GRM7: variants seen among roughly 807,000 people sequenced by gnomAD.
GRM7 encodes glutamate metabotropic receptor 7.
A neutral mutation model predicts 84.5 loss-of-function variants in GRM7; 35 were observed. That is an observed-to-expected ratio of 0.41 (90% confidence interval 0.32 to 0.55). GRM7 has a LOEUF of 0.55. Among genes scored for constraint, GRM7 ranks in the 20% least tolerant of loss-of-function variants. The pLI, the probability that GRM7 is intolerant of heterozygous loss-of-function variation, is 0.19. For synonymous variants in GRM7, 487 were observed against 455.1 expected (o/e 1.07, Z -0.89); for missense variants, 1,003 against 1,194.6 (o/e 0.84, Z 2.36).
chr3:7,284,563 T>A (rs1216802070), intron 2 of GRM7, among the ~76,000 whole-genome samples: 1 of 152,130 alleles, frequency 6.6e-6, no homozygotes, highest in African/African-American at 2.4e-5. Flanking sequence ...GTAAGAAACC[T>A]AAGGCTAAAT....
intron 4 of GRM7, among the ~76,000 whole-genome samples, chr3:7,414,554 C>A (rs1387762707): frequency 6.6e-6 from 1 of 152,286 alleles, no homozygotes; most frequent in South Asian, 2.1e-4. Flanking sequence ...TCTGGACACT[C>A]TTTATACATT....
intron 8 of GRM7, among the ~76,000 whole-genome samples, chr3:7,594,297 G>T (rs888941173): frequency 6.6e-6 from 1 of 152,044 alleles, no homozygotes; most frequent in Non-Finnish European, 1.5e-5. Flanking sequence ...CCAAAATGTA[G>T]GTCCATGCAG....
intron 2 of GRM7, among the ~76,000 whole-genome samples, chr3:7,269,981 C>G (rs1165182727): frequency 6.6e-6 from 1 of 152,164 alleles, no homozygotes; most frequent in Non-Finnish European, 1.5e-5. Context: ...TAATATCTCT[C>G]AAACTTTAGC....
intron 4 of GRM7, among the ~76,000 whole-genome samples, chr3:7,372,031 C>A (rs948710739): frequency 1.3e-5 from 2 of 152,004 alleles, no homozygotes; most frequent in African/African-American, 4.8e-5. Context: ...GACAGCAGGG[C>A]CTGATAGGAG....
chr3:7,594,426 T>C (rs1190783512), intron 8 of GRM7, among the ~76,000 whole-genome samples: 1 of 152,148 alleles, frequency 6.6e-6, no homozygotes, highest in East Asian at 1.9e-4. Context: ...GCCCTGCCAG[T>C]CTGCTAGGTA....
intron 1 of GRM7, among the ~76,000 whole-genome samples, chr3:7,102,867 G>A (rs1289383373): frequency 3.0e-4 from 45 of 151,406 alleles, no homozygotes; most frequent in Admixed American, 3.0e-3. Context: ...TATTGGTTTT[G>A]TTTTGTTTTC....
At chr3:7,675,624 C>A (rs779975542) in intron 8 of GRM7, among the ~76,000 whole-genome samples, 2 of 152,238 alleles carry the variant, frequency 1.3e-5, no homozygotes, top group African/African-American at 2.4e-5. Context: ...GAATTCACCA[C>A]ATATTTATGC....
chr3:7,638,598 G>C (rs1003579491), intron 8 of GRM7, among the ~76,000 whole-genome samples: 1 of 152,138 alleles, frequency 6.6e-6, no homozygotes, highest in Non-Finnish European at 1.5e-5. Context: ...TCTAGTGTTT[G>C]GATTTGTCCA....
intron 7 of GRM7, among the ~76,000 whole-genome samples, chr3:7,462,740 A>G (rs1174557117): frequency 6.6e-6 from 1 of 152,174 alleles, no homozygotes; most frequent in Non-Finnish European, 1.5e-5. Context: ...GCCTTAGCCT[A>G]GATCTGCTTG....
intron 4 of GRM7, among the ~76,000 whole-genome samples, chr3:7,307,235 G>T (rs1700225081): frequency 6.6e-6 from 1 of 152,108 alleles, no homozygotes; most frequent in African/African-American, 2.4e-5. Flanking sequence ...AAGATATTTT[G>T]AGAGGCAGAA....
Position 6,861,138 on chromosome 3 carries a change from G to C in GRM7, c.-251G>C. On this transcript the variant is annotated 5_prime_UTR_variant, in exon 1 of 10. Transcript: ENST00000357716. The surrounding 1 kb of genome is among the most constrained non-coding windows in gnomAD (Gnocchi z 6.4). ...CCAGTGCTGGGCTGTTGGAGAGAGC[G>C]AGCAGCAAGCCGGTGAGCGCGAGCG... 4.8e-6 allele frequency: 2 copies of C among 415,794 alleles called. No homozygotes were observed. Among genetic ancestry groups the C allele is most frequent in the Admixed American group, 8.9e-5 (2 of 22,478 alleles). The allele number at this position is 415,794 out of a possible 1,614,324, so 25.8% of individuals were successfully genotyped here. A position where few individuals can be genotyped will look rare whatever the true frequency, so the allele number is the denominator to read the frequency against.
chr3:7,012,248 T>A (rs1695399177), intron 1 of GRM7, among the ~76,000 whole-genome samples: 2 of 152,178 alleles, frequency 1.3e-5, no homozygotes. Flanking sequence ...GCAGCATGGT[T>A]TATCTGAAGG....
intron 1 of GRM7, among the ~76,000 whole-genome samples, chr3:6,995,148 G>A (rs1694786118): frequency 6.6e-6 from 1 of 152,142 alleles, no homozygotes; most frequent in African/African-American, 2.4e-5. Context: ...ATCTTTCTCA[G>A]CCAATCTATT....
At chr3:7,109,445 C>T (rs1026310860) in intron 1 of GRM7, among the ~76,000 whole-genome samples, 3 of 152,118 alleles carry the variant, frequency 2.0e-5, no homozygotes, top group Non-Finnish European at 2.9e-5. Context: ...CCATTGTCCA[C>T]GGTATGGGTT....
At chr3:7,492,769 C>A (rs2124952752) in intron 7 of GRM7, among the ~76,000 whole-genome samples, 1 of 152,106 alleles carries the variant, frequency 6.6e-6, no homozygotes, top group Admixed American at 6.6e-5. Context: ...CTTGAGGTAG[C>A]AACTCAGAGT....
chr3:7,613,987 G>C (rs1696963788), intron 8 of GRM7, among the ~76,000 whole-genome samples: 1 of 152,100 alleles, frequency 6.6e-6, no homozygotes, highest in Non-Finnish European at 1.5e-5. Context: ...ATGTCAGCTG[G>C]GTGCAGTGGC....
At chr3:7,538,149 G>A (rs190112759) in intron 7 of GRM7, among the ~76,000 whole-genome samples, 131 of 152,078 alleles carry the variant, frequency 8.6e-4, no homozygotes, top group African/African-American at 3.0e-3. Flanking sequence ...CAGTTTTGTT[G>A]CCCAGGCTGG....
chr3:7,622,561 G>A (rs1169442775), intron 8 of GRM7, among the ~76,000 whole-genome samples: 1 of 152,000 alleles, frequency 6.6e-6, no homozygotes, highest in Non-Finnish European at 1.5e-5. Context: ...GAGGCGAGAG[G>A]CATGTGACAC....
At position 6,872,792 on chromosome 3, in the gene GRM7, C is replaced by T. The variant is rs538723904; in HGVS notation, c.519+10885C>T. Among the ~76,000 whole-genome samples, 15 of 152,244 alleles carry T rather than the reference C, an allele frequency of 9.9e-5. 1 individual carries two copies. The South Asian group carries it at 1.2e-3, about 13-fold the overall frequency. On this transcript the variant is annotated intron_variant, in intron 1 of 9. Coordinates refer to ENST00000357716, the MANE Select transcript of GRM7 (RefSeq NM_000844.4). ...TCCATGTCCCTACAAAGGACATGAACGCATCCATTTTTATGGCTGCATAGT... is the reference window on the plus strand; with the variant it reads ...TCCATGTCCCTACAAAGGACATGAATGCATCCATTTTTATGGCTGCATAGT...
Sources: allele counts gnomAD v4.1 joint callset (sites outside exome capture counted in the v4.1 genomes callset), GRCh38; gene constraint gnomAD v4.1.1; non-coding constraint Gnocchi (gnomAD v3.1); transcripts MANE v1.5; gene names NCBI Gene and HGNC (gene_info 2026-07-23, HGNC 2026-07-21).